Variants in ENTREP2 observed in about 807,000 individuals in gnomAD.
The protein encoded by ENTREP2 is protein ENTREP2.
chr15:29,517,382 A>C, the ENTREP2 span, among the ~76,000 whole-genome samples: 1 of 152,220 alleles, frequency 6.6e-6, no homozygotes, highest in African/African-American at 2.4e-5. Flanking sequence ...TTTGGTGATT[A>C]GCCTGAGGTC....
the ENTREP2 span, among the ~76,000 whole-genome samples, chr15:29,207,467 C>T: frequency 6.7e-6 from 1 of 148,944 alleles, no homozygotes; most frequent in South Asian, 2.1e-4. Flanking sequence ...GGGGGGGTGG[C>T]CAGCTTTTAT....
the ENTREP2 span, among the ~76,000 whole-genome samples, chr15:29,575,097 A>C: frequency 3.3e-5 from 5 of 152,180 alleles, no homozygotes; most frequent in Admixed American, 2.6e-4. Flanking sequence ...ATTTGAGTTC[A>C]GGAGTCTCCA....
the ENTREP2 span, among the ~76,000 whole-genome samples, chr15:29,546,941 T>G: frequency 7.0e-6 from 1 of 143,862 alleles, no homozygotes; most frequent in African/African-American, 2.6e-5. Flanking sequence ...GATGAAAAGA[T>G]AGAAAATTTT....
At chr15:29,146,744 T>A in the ENTREP2 span, among the ~76,000 whole-genome samples, 1 of 152,146 alleles carries the variant, frequency 6.6e-6, no homozygotes, top group African/African-American at 2.4e-5. Flanking sequence ...GAGACCAGCC[T>A]GGCCAACGTG....
At chr15:29,507,123 C>A in the ENTREP2 span, among the ~76,000 whole-genome samples, 1 of 152,002 alleles carries the variant, frequency 6.6e-6, no homozygotes, top group Non-Finnish European at 1.5e-5. Context: ...TCTGATAAAA[C>A]AGACTTTAAA....
chr15:29,143,963 C>T, the ENTREP2 span, among the ~76,000 whole-genome samples: 1 of 152,178 alleles, frequency 6.6e-6, no homozygotes, highest in African/African-American at 2.4e-5. Flanking sequence ...AAAGACATCC[C>T]AAAGAGCTTA....
At chr15:29,218,053 T>C in the ENTREP2 span, among the ~76,000 whole-genome samples, 1 of 152,168 alleles carries the variant, frequency 6.6e-6, no homozygotes, top group African/African-American at 2.4e-5. Context: ...TCTATCAGGC[T>C]CCAGGCTGGT....
chr15:29,576,732 A>G, the ENTREP2 span, among the ~76,000 whole-genome samples: 1 of 152,252 alleles, frequency 6.6e-6, no homozygotes, highest in Non-Finnish European at 1.5e-5. Context: ...CTCATCACTC[A>G]TCATTGGGGA....
chr15:29,228,960 T>C, the ENTREP2 span, among the ~76,000 whole-genome samples: 1 of 152,120 alleles, frequency 6.6e-6, no homozygotes, highest in Non-Finnish European at 1.5e-5. Context: ...TTTTCTTTTC[T>C]TTTTTAAATT....
chr15:29,276,590 C>A, the ENTREP2 span, among the ~76,000 whole-genome samples: 6 of 152,196 alleles, frequency 3.9e-5, no homozygotes, highest in Admixed American at 6.5e-5. Flanking sequence ...GTAAGCCTAG[C>A]CACTTGTGCC....
At chr15:29,165,966 A>G in the ENTREP2 span, among the ~76,000 whole-genome samples, 1 of 152,204 alleles carries the variant, frequency 6.6e-6, no homozygotes, top group Non-Finnish European at 1.5e-5. Flanking sequence ...CAAAAAGACA[A>G]TACATCATGA....
At chr15:29,600,325 G>A in the ENTREP2 span, among the ~76,000 whole-genome samples, 1 of 152,138 alleles carries the variant, frequency 6.6e-6, no homozygotes, top group South Asian at 2.1e-4. Flanking sequence ...ATGAGCATCT[G>A]CTCAATATTA....
the ENTREP2 span, among the ~76,000 whole-genome samples, chr15:29,657,680 G>A: frequency 2.0e-5 from 3 of 152,162 alleles, no homozygotes; most frequent in African/African-American, 7.2e-5. Flanking sequence ...GCGCCGATTG[G>A]TGCATTTTAC....
At chr15:29,243,003 C>A in the ENTREP2 span, among the ~76,000 whole-genome samples, 1 of 152,200 alleles carries the variant, frequency 6.6e-6, no homozygotes, top group Non-Finnish European at 1.5e-5. Context: ...AGTACCACTG[C>A]AGGCTAGCGA....
chr15:29,581,914 C>T, the ENTREP2 span, among the ~76,000 whole-genome samples: 16 of 150,124 alleles, frequency 1.1e-4, no homozygotes, highest in African/African-American at 3.9e-4. Flanking sequence ...GAATAGAGAA[C>T]CCAGAAATAG....
At chr15:29,173,576 C>G in the ENTREP2 span, among the ~76,000 whole-genome samples, 3 of 152,048 alleles carry the variant, frequency 2.0e-5, no homozygotes. Context: ...GAGGATTCCG[C>G]CAGGGTGTGC....
At chr15:29,655,272 C>T in the ENTREP2 span, among the ~76,000 whole-genome samples, 2 of 152,144 alleles carry the variant, frequency 1.3e-5, no homozygotes, top group African/African-American at 2.4e-5. Context: ...GGTAGCACAA[C>T]CCTAATCTAT....
chr15:29,306,822 T>C, the ENTREP2 span, among the ~76,000 whole-genome samples: 2 of 151,834 alleles, frequency 1.3e-5, no homozygotes, highest in Non-Finnish European at 2.9e-5. Flanking sequence ...CTCAGCTCAC[T>C]GCAACTTCCG....
At chr15:29,180,331 A>G in the ENTREP2 span, among the ~76,000 whole-genome samples, 18 of 152,226 alleles carry the variant, frequency 1.2e-4, no homozygotes, top group Admixed American at 1.2e-3. Flanking sequence ...ACACATTGTA[A>G]TCAGGTTACC....
Sources: allele counts gnomAD v4.1 joint callset (sites outside exome capture counted in the v4.1 genomes callset), GRCh38; gene constraint gnomAD v4.1.1; transcripts MANE v1.5; gene names NCBI Gene and HGNC (gene_info 2026-07-23, HGNC 2026-07-21).